FEM1C: variants seen among roughly 807,000 people sequenced by gnomAD.
FEM1C encodes fem-1 homolog C.
Under a neutral mutation model 37.6 loss-of-function variants are expected in FEM1C, and 15 were observed. That is an observed-to-expected ratio of 0.40 (90% CI 0.27 to 0.61). The LOEUF is 0.61. FEM1C is among the 20% of genes least tolerant of loss of function. FEM1C has a pLI of 0.42. For missense variants in FEM1C, 532 were observed against 749.7 expected (o/e 0.71, Z 3.39); for synonymous variants, 287 against 272.8 (o/e 1.05, Z -0.51).
chr5:115,536,729 CTACT>C (rs1221583916), intron 2 of FEM1C, among the ~76,000 whole-genome samples: 1 of 151,928 alleles, frequency 6.6e-6, no homozygotes, highest in African/African-American at 2.4e-5. Context: ...TGTGCCAAGA[CTACT>C]TACTATGTGC....
chr5:115,533,165 T>C (rs1444221475), intron 2 of FEM1C, among the ~76,000 whole-genome samples: 2 of 152,072 alleles, frequency 1.3e-5, no homozygotes, highest in Admixed American at 1.3e-4. Flanking sequence ...AAAGTTCCAC[T>C]TTATAGTATT....
chr5:115,524,145 G>T lies in FEM1C; in HGVS notation c.*163C>A. 1.7e-6 allele frequency: 1 copy of T among 588,940 alleles called. No homozygotes were observed. Among genetic ancestry groups the T allele is most frequent in the South Asian group, 2.3e-5 (1 of 43,508 alleles). The allele number at this position is 588,940 out of a possible 1,614,324, so 36.5% of individuals were successfully genotyped here. A position where few individuals can be genotyped will look rare whatever the true frequency, so the allele number is the denominator to read the frequency against. On this transcript the variant is annotated 3_prime_UTR_variant, in exon 3 of 3. Transcript: ENST00000274457. ...ATATGGTATATTTATATTAAATATTGGGAAACCAATGTTGTAAATTTGATG... is the reference window on the plus strand; with the variant it reads ...ATATGGTATATTTATATTAAATATTTGGAAACCAATGTTGTAAATTTGATG...
rs1753810648 is a variant in FEM1C at position 115,523,178 on chromosome 5, T to A, written c.*1130A>T. On this transcript the variant is annotated 3_prime_UTR_variant, in exon 3 of 3. Coordinates refer to ENST00000274457, the MANE Select transcript of FEM1C (RefSeq NM_020177.3). ...AGAACACTGTTACTGACCTTTGATA[T>A]TATGGCAGTAAATTGCATACTAAAA... 1.3e-5 allele frequency: 2 copies of A among 152,470 alleles called. No individual in the cohort carries two copies. The highest frequency in any genetic ancestry group is 4.8e-5 in the African/African-American group (2 of 41,428). 9.4% of individuals were successfully genotyped at this position (152,470 alleles called of 1,614,324 possible).
At position 115,523,129 on chromosome 5, in the gene FEM1C, G is replaced by C. The variant is rs3984997; in HGVS notation, c.*1179C>G. Reference sequence around the variant, plus strand: ...TAATTCATGCAAGTTATCTTTAAAGGTATACATAAGCTTGAAGAAAGAAAG... The same window carrying C: ...TAATTCATGCAAGTTATCTTTAAAGCTATACATAAGCTTGAAGAAAGAAAG... On this transcript the variant is annotated 3_prime_UTR_variant, in exon 3 of 3. Transcript: ENST00000274457. 1 of 152,318 alleles carries C rather than the reference G, an allele frequency of 6.6e-6. No homozygotes were observed. The highest frequency in any genetic ancestry group is 2.4e-5 in the African/African-American group (1 of 41,400). The allele number at this position is 152,318 out of a possible 1,614,324, so 9.4% of individuals were successfully genotyped here. A position where few individuals can be genotyped will look rare whatever the true frequency, so the allele number is the denominator to read the frequency against.
intron 2 of FEM1C, among the ~76,000 whole-genome samples, chr5:115,529,141 T>TA (rs547654160): frequency 3.9e-4 from 60 of 152,128 alleles, no homozygotes; most frequent in Non-Finnish European, 6.9e-4. Context: ...TAAGAAAAGA[T>TA]AAAGTCCAAG....
chr5:115,536,685 C>G (rs866697363), intron 2 of FEM1C, among the ~76,000 whole-genome samples: 1 of 150,524 alleles, frequency 6.6e-6, no homozygotes, highest in Non-Finnish European at 1.5e-5. Context: ...AACAGAAGTT[C>G]AAAAAAAAGG....
At chr5:115,542,637 A>G (rs1017505496) in intron 2 of FEM1C, among the ~76,000 whole-genome samples, 1 of 152,150 alleles carries the variant, frequency 6.6e-6, no homozygotes, top group Non-Finnish European at 1.5e-5. Flanking sequence ...TAGATTAAGC[A>G]TAAGCCTAAA....
At chr5:115,542,438 C>T (rs2127175971) in intron 2 of FEM1C, among the ~76,000 whole-genome samples, 1 of 152,182 alleles carries the variant, frequency 6.6e-6, no homozygotes, top group South Asian at 2.1e-4. Context: ...TGCTCCTTTC[C>T]ACTGATATTA....
chr5:115,532,126 G>T (rs530976668), intron 2 of FEM1C, among the ~76,000 whole-genome samples: 6 of 152,156 alleles, frequency 3.9e-5, no homozygotes, highest in Admixed American at 1.3e-4. Context: ...TTATCATTGT[G>T]AGAATGCCTG....
intron 2 of FEM1C, among the ~76,000 whole-genome samples, chr5:115,529,469 C>T (rs1044234438): frequency 6.6e-6 from 1 of 151,780 alleles, no homozygotes; most frequent in East Asian, 1.9e-4. Context: ...AATAAAGAAC[C>T]CTTTCAGGAA....
Position 115,523,373 on chromosome 5 carries a change from A to G in FEM1C, c.*935T>C, listed in dbSNP as rs1753814335. On this transcript the variant is annotated 3_prime_UTR_variant, in exon 3 of 3. Transcript: ENST00000274457. The stretch of plus-strand genomic sequence containing the variant: ...GAAGTTAAATTTAAGCAAATTCTCT[A>G]CACCTAATCACACCATCAGCACAAG... 1 of 152,478 alleles carries G rather than the reference A, an allele frequency of 6.6e-6. No homozygotes were observed. Among genetic ancestry groups the G allele is most frequent in the African/African-American group, 2.4e-5 (1 of 41,438 alleles). 9.4% of individuals were successfully genotyped at this position (152,478 alleles called of 1,614,324 possible). A position where few individuals can be genotyped will look rare whatever the true frequency, so the allele number is the denominator to read the frequency against.
intron 2 of FEM1C, among the ~76,000 whole-genome samples, chr5:115,540,026 T>G (rs893261560): frequency 1.3e-5 from 2 of 152,150 alleles, no homozygotes; most frequent in Non-Finnish European, 2.9e-5. Flanking sequence ...CCATTTCCAG[T>G]GAATGACACA....
At chr5:115,526,433 A>C (rs1465866231) in intron 2 of FEM1C, among the ~76,000 whole-genome samples, 1 of 152,136 alleles carries the variant, frequency 6.6e-6, no homozygotes, top group East Asian at 1.9e-4. Flanking sequence ...TTAACTTTTT[A>C]AACATTCTTT....
rs1032300274 is a variant in FEM1C, at chr5:115,544,593, C to G, written c.-261G>C. 6.5e-6 allele frequency: 1 copy of G among 154,436 alleles called. No homozygotes were observed. Among genetic ancestry groups the G allele is most frequent in the Non-Finnish European group, 1.4e-5 (1 of 69,854 alleles). The allele number at this position is 154,436 out of a possible 1,614,324, so 9.6% of individuals were successfully genotyped here. A position where few individuals can be genotyped will look rare whatever the true frequency, so the allele number is the denominator to read the frequency against. The stretch of plus-strand genomic sequence containing the variant: ...TTGTCCGTCCCCTTCAAAGGGAAAC[C>G]GTTGTCCCCACCGCCGCCCGGGCCG... On this transcript the variant is annotated 5_prime_UTR_variant, in exon 1 of 3. Coordinates refer to ENST00000274457, the MANE Select transcript of FEM1C (RefSeq NM_020177.3).
Position 115,523,434 on chromosome 5 carries a change from CTT to C in FEM1C, c.*872_*873del, listed in dbSNP as rs911729891. 1 of 152,496 alleles carries C rather than the reference CTT, an allele frequency of 6.6e-6. No individual in the cohort carries two copies. Among genetic ancestry groups the C allele is most frequent in the Non-Finnish European group, 1.5e-5 (1 of 67,982 alleles). 9.4% of individuals were successfully genotyped at this position (152,496 alleles called of 1,614,324 possible). The stretch of plus-strand genomic sequence containing the variant: ...CTGGAGCAGCATGAAAGGTGGGTCA[CTT>C]TAAAAAGATTCTTCCTTTTACTGCA... On this transcript the variant is annotated 3_prime_UTR_variant, in exon 3 of 3. Coordinates refer to ENST00000274457, the MANE Select transcript of FEM1C (RefSeq NM_020177.3).
intron 2 of FEM1C, among the ~76,000 whole-genome samples, chr5:115,538,434 C>T (rs538841133): frequency 6.6e-6 from 1 of 152,106 alleles, no homozygotes; most frequent in East Asian, 1.9e-4. Flanking sequence ...CATCAAGGAG[C>T]TTATAATCTT....
intron 2 of FEM1C, among the ~76,000 whole-genome samples, chr5:115,526,064 T>C (rs1410923876): frequency 6.6e-6 from 1 of 152,072 alleles, no homozygotes; most frequent in African/African-American, 2.4e-5. Context: ...TCTTGCTATG[T>C]TGCCCAGGCT....
At position 115,524,746 on chromosome 5, in the gene FEM1C, A is replaced by G. The variant is rs1230098127; in HGVS notation, c.1416T>C (p.Phe472=). The part of the protein sequence containing the change: ...DHFKKQTIYR[F]LKLHPRGKNN... ...TCTTTCCCCTTGGATGCAGCTTAAGAAACCTGTATATAGTCTGCTTTTTGA... is the reference window on the plus strand; with the variant it reads ...TCTTTCCCCTTGGATGCAGCTTAAGGAACCTGTATATAGTCTGCTTTTTGA... The change falls in exon 3 of 3, where the codon TTT becomes TTC. Residue 472 remains phenylalanine, a synonymous_variant. Coordinates refer to ENST00000274457, the MANE Select transcript of FEM1C (RefSeq NM_020177.3). 11 of 1,543,122 alleles carry G rather than the reference A, an allele frequency of 7.1e-6. No individual in the cohort carries two copies. The highest frequency in any genetic ancestry group is 9.6e-6 in the Non-Finnish European group (11 of 1,149,734).
At chr5:115,527,368 G>A (rs533110269) in intron 2 of FEM1C, among the ~76,000 whole-genome samples, 12 of 152,050 alleles carry the variant, frequency 7.9e-5, no homozygotes, top group South Asian at 2.1e-4. Flanking sequence ...ATCCTGTTTC[G>A]TCTTCTATGA....
Sources: gnomAD v4.1 joint callset for allele counts (sites outside exome capture counted in the v4.1 genomes callset) on GRCh38, gnomAD v4.1.1 for gene constraint, MANE v1.5 for transcripts, NCBI Gene and HGNC (gene_info 2026-07-23, HGNC 2026-07-21) for gene names.